Variants in PLCE1 observed in about 807,000 individuals in gnomAD.
PLCE1 encodes the protein 1-phosphatidylinositol 4,5-bisphosphate phosphodiesterase epsilon-1.
In PLCE1, 119 loss-of-function variants were observed where a neutral mutation model predicts 242.8. The observed-to-expected ratio is 0.49, with a 90% CI of 0.42 to 0.57. The LOEUF is 0.57. PLCE1 is among the 20% of genes least tolerant of loss of function. PLCE1 has a pLI of 0.00. For synonymous variants in PLCE1, 945 were observed against 1,017.4 expected (o/e 0.93, Z 1.35); for missense variants, 2,441 against 2,788.8 (o/e 0.88, Z 2.81).
rs577641540 is a variant in PLCE1 at position 94,128,910 on chromosome 10, T to G, written c.1207-3264T>G. On this transcript the variant is annotated intron_variant, in intron 2 of 32. Coordinates refer to ENST00000371380, the MANE Select transcript of PLCE1 (RefSeq NM_016341.4). ...TAGAAGATCTAGCCATTTGATACCA[T>G]GTAGGAATGCTCAGTGTTACCAGAT... Among the ~76,000 whole-genome samples the G allele has an allele frequency of 2.2e-3, 331 of 152,348 alleles. 1 individual carries two copies. The highest frequency in any genetic ancestry group is 3.3e-3 in the Non-Finnish European group (225 of 68,028).
chr10:94,089,432 G>A, intron 2 of PLCE1: 3 of 1,406,838 alleles, frequency 2.1e-6, no homozygotes, highest in Non-Finnish European at 2.9e-6. Flanking sequence ...ATGGAATCCT[G>A]GGGACTGTTT....
chr10:94,177,682 T>A (rs1236998589), intron 4 of PLCE1, among the ~76,000 whole-genome samples: 2 of 152,220 alleles, frequency 1.3e-5, no homozygotes, highest in Admixed American at 1.3e-4. Flanking sequence ...TTCATCTTCC[T>A]GCATCTAGCT....
At chr10:94,280,223 T>C (rs1178744520) in intron 20 of PLCE1, 3 of 400,152 alleles carry the variant, frequency 7.5e-6, no homozygotes, top group Non-Finnish European at 1.4e-5. Flanking sequence ...GCGTGGCTGA[T>C]AATCTTGGCA....
chr10:94,201,681 G>A (rs1450333411), intron 4 of PLCE1, among the ~76,000 whole-genome samples: 2 of 152,074 alleles, frequency 1.3e-5, no homozygotes, highest in Non-Finnish European at 2.9e-5. Context: ...GGGTTTCACT[G>A]TGTTAGCCAG....
intron 23 of PLCE1, among the ~76,000 whole-genome samples, chr10:94,294,486 T>C (rs2052741218): frequency 6.6e-6 from 1 of 152,180 alleles, no homozygotes; most frequent in African/African-American, 2.4e-5. Flanking sequence ...TTCGGAGATA[T>C]TGCAGGTTCG....
chr10:94,034,322 A>T (rs1177101487), intron 2 of PLCE1, among the ~76,000 whole-genome samples: 1 of 152,192 alleles, frequency 6.6e-6, no homozygotes, highest in East Asian at 1.9e-4. Flanking sequence ...TTGAGCATTC[A>T]ACAAATGCCA....
In PLCE1 at chr10:94,298,626, G is replaced by T; in HGVS notation, c.5415G>T (p.Trp1805Cys). ...DSSNPNPLMF[W>C]LHGIQLVALN... ...CCAACCCGAACCCCCTCATGTTCTG[G>T]CTCCATGGGATACAGCTTGTGGCAC... is the stretch of plus-strand genomic sequence containing the variant. The change falls in exon 24 of 33, where the codon TGG becomes TGT. Residue 1805 changes from tryptophan (W) to cysteine (C), a missense_variant. Physicochemically the swap from Trp to Cys is radical, Grantham distance 215. This residue lies in a region of PLCE1 where 1,004 missense variants were observed against 1,322.7 expected (regional missense o/e 0.76). Coordinates refer to ENST00000371380, the MANE Select transcript of PLCE1 (RefSeq NM_016341.4). The surrounding 1 kb of genome is among the most constrained non-coding windows in gnomAD (Gnocchi z 5.2). The T allele has an allele frequency of 6.2e-7, 1 of 1,614,072 alleles. No individual in the cohort carries two copies. Among genetic ancestry groups the T allele is most frequent in the Non-Finnish European group, 8.5e-7 (1 of 1,180,012 alleles).
intron 31 of PLCE1, 29 bp downstream of exon 31, chr10:94,324,596 CTTAAG>C (rs779790975): frequency 1.1e-5 from 16 of 1,521,668 alleles, no homozygotes; most frequent in African/African-American, 4.2e-5. Flanking sequence ...TTGCTCTGTT[CTTAAG>C]TTATCTGATA....
intron 2 of PLCE1, among the ~76,000 whole-genome samples, chr10:94,039,297 T>C (rs1301923565): frequency 1.3e-5 from 2 of 152,192 alleles, no homozygotes; most frequent in Admixed American, 6.5e-5. Flanking sequence ...TTTAATCTTT[T>C]CAGGAATGGC....
chr10:94,122,319 G>A (rs566524056), intron 2 of PLCE1, among the ~76,000 whole-genome samples: 6 of 152,270 alleles, frequency 3.9e-5, no homozygotes, highest in African/African-American at 7.2e-5. Context: ...CCTAATTCAT[G>A]GCCTGACATC....
intron 4 of PLCE1, among the ~76,000 whole-genome samples, chr10:94,202,823 C>T (rs2049026965): frequency 6.6e-6 from 1 of 152,204 alleles, no homozygotes; most frequent in Non-Finnish European, 1.5e-5. Flanking sequence ...ACTTGAACCT[C>T]AGGGGATTAA....
In PLCE1 at chr10:94,228,031, A is replaced by G. The variant is rs74151096; in HGVS notation, c.1955+580A>G. ...CCCACATTATACAAAAGAGGAAGCTAAGGCTAAGAGAAATTAAGTCATTCA... is the reference window on the plus strand; with the variant it reads ...CCCACATTATACAAAAGAGGAAGCTGAGGCTAAGAGAAATTAAGTCATTCA... On this transcript the variant is annotated intron_variant, in intron 5 of 32. Transcript: ENST00000371380. Among the ~76,000 whole-genome samples, 160 of 152,340 alleles carry G rather than the reference A, an allele frequency of 1.1e-3. 1 individual carries two copies. Among genetic ancestry groups the G allele is most frequent in the African/African-American group, 3.8e-3 (159 of 41,578 alleles).
intron 2 of PLCE1, among the ~76,000 whole-genome samples, chr10:94,130,162 G>T (rs1370636356): frequency 6.6e-6 from 1 of 152,216 alleles, no homozygotes; most frequent in Non-Finnish European, 1.5e-5. Context: ...TGGCCTGTAT[G>T]ATTTGGAGCC....
intron 2 of PLCE1, among the ~76,000 whole-genome samples, chr10:94,067,640 C>T (rs760840163): frequency 1.3e-5 from 2 of 152,046 alleles, no homozygotes; most frequent in Non-Finnish European, 2.9e-5. Context: ...CAGCAAAGGG[C>T]CTGAAGGGGG....
intron 2 of PLCE1, among the ~76,000 whole-genome samples, chr10:94,083,199 A>G (rs1237748118): frequency 1.3e-5 from 2 of 152,170 alleles, no homozygotes; most frequent in African/African-American, 4.8e-5. Context: ...AGCCCATAAC[A>G]TATGTTCCGT....
chr10:94,038,407 T>C (rs901037635), intron 2 of PLCE1, among the ~76,000 whole-genome samples: 3 of 152,174 alleles, frequency 2.0e-5, no homozygotes, highest in Non-Finnish European at 4.4e-5. Context: ...TTTATTCTAG[T>C]GGCTTGCTTA....
At chr10:94,116,163 G>A (rs1031354054) in intron 2 of PLCE1, among the ~76,000 whole-genome samples, 6 of 151,864 alleles carry the variant, frequency 4.0e-5, no homozygotes, top group African/African-American at 7.3e-5. Context: ...TGATTCTGTC[G>A]TCATCACCTT....
At chr10:94,055,979 T>A (rs937581703) in intron 2 of PLCE1, among the ~76,000 whole-genome samples, 1 of 152,200 alleles carries the variant, frequency 6.6e-6, no homozygotes, top group African/African-American at 2.4e-5. Context: ...GTATGTTAAT[T>A]TGAATGGTCA....
chr10:94,293,340 T>C (rs1168837989), intron 22 of PLCE1, among the ~76,000 whole-genome samples, 168 bp from the exon 23 acceptor site: 1 of 152,230 alleles, frequency 6.6e-6, no homozygotes, highest in Non-Finnish European at 1.5e-5. Flanking sequence ...AACTTTGCTT[T>C]AATTGCCTAC....
Sources: allele counts gnomAD v4.1 joint callset (sites outside exome capture counted in the v4.1 genomes callset), GRCh38; gene constraint gnomAD v4.1.1; regional missense constraint gnomAD v4.1.1; non-coding constraint Gnocchi (gnomAD v3.1); transcripts MANE v1.5; gene names NCBI Gene and HGNC (gene_info 2026-07-23, HGNC 2026-07-21).